TSGA10: variants seen among roughly 807,000 people sequenced by gnomAD.
TSGA10 encodes testis-specific gene 10 protein.
In TSGA10, 43 loss-of-function variants were observed where a neutral mutation model predicts 96.6. The observed-to-expected ratio is 0.44, with a 90% CI of 0.35 to 0.57. The LOEUF (loss-of-function observed/expected upper bound fraction) is 0.57. Ranked by LOEUF, TSGA10 falls within the 20% of genes least tolerant of loss-of-function variation. The probability of loss-of-function intolerance (pLI) is 0.01; values close to 1 mark genes in which losing one functional copy is unlikely to be tolerated. For synonymous variants in TSGA10, 229 were observed against 269.9 expected (o/e 0.85, Z 1.48); for missense variants, 703 against 834.4 (o/e 0.84, Z 1.94).
At position 99,136,215 on chromosome 2, in the gene TSGA10, T is replaced by A. The variant is rs544816825; in HGVS notation, c.-620-9039A>T. ...TCTTTTCACTAAAAATTATCTCAGT[T>A]ACATTTCTTCCATCCCTACTATCAC... On this transcript the variant is annotated intron_variant, in intron 1 of 20. Transcript: ENST00000393483. Among the ~76,000 whole-genome samples, 18 of 152,330 alleles carry A rather than the reference T, an allele frequency of 1.2e-4. 1 individual carries two copies. In the South Asian group the frequency reaches 3.7e-3, roughly 32 times the overall value.
At chr2:99,075,788 G>C (rs2086643408) in intron 12 of TSGA10, among the ~76,000 whole-genome samples, 1 of 152,142 alleles carries the variant, frequency 6.6e-6, no homozygotes, top group Non-Finnish European at 1.5e-5. Flanking sequence ...TCGCAGAATG[G>C]AAGAAATGTG....
intron 16 of TSGA10, among the ~76,000 whole-genome samples, chr2:99,041,627 A>G (rs936086130): frequency 1.3e-5 from 2 of 152,190 alleles, no homozygotes; most frequent in African/African-American, 4.8e-5. Context: ...TTGGCAAGCT[A>G]TATGTAGAAG....
intron 12 of TSGA10, among the ~76,000 whole-genome samples, chr2:99,073,995 C>CTTTTTTTT (rs2086298056): frequency 8.3e-5 from 3 of 36,126 alleles, no homozygotes; most frequent in African/African-American, 3.4e-4. Context: ...GTTCCTGTTT[C>CTTTTTTTT]TTTTCTTTTT....
chr2:99,109,003 T>A lies in TSGA10; in HGVS notation c.52-12A>T. The A allele has an allele frequency of 6.7e-7, 1 of 1,487,588 alleles. No individual in the cohort carries two copies. The highest frequency in any genetic ancestry group is 8.9e-7 in the Non-Finnish European group (1 of 1,123,218). The allele number at this position is 1,487,588 out of a possible 1,614,324, so 92.1% of individuals were successfully genotyped here. A position where few individuals can be genotyped will look rare whatever the true frequency, so the allele number is the denominator to read the frequency against. Reference sequence around the variant, plus strand: ...TCACAGTTTGCACCCTATAATTATATAAGGAATTTGAAATCTTCTTTGATA... The same window carrying A: ...TCACAGTTTGCACCCTATAATTATAAAAGGAATTTGAAATCTTCTTTGATA... On this transcript the variant is annotated splice_polypyrimidine_tract_variant and intron_variant, in intron 6 of 20. Coordinates refer to ENST00000393483, the MANE Select transcript of TSGA10 (RefSeq NM_025244.4).
In TSGA10 at chr2:98,998,149, G is replaced by GT; in HGVS notation, c.*47dup. 6.5e-7 allele frequency: 1 copy of GT among 1,539,988 alleles called. No homozygotes were observed. The highest frequency in any genetic ancestry group is 1.2e-5 in the South Asian group (1 of 81,250). On this transcript the variant is annotated 3_prime_UTR_variant, in exon 21 of 21. Transcript: ENST00000393483. ...TCATGTAGCAAAAAAAAAAAAATCAGTTTGTAACTTTGACCTTTCTCAGGG... is the reference window on the plus strand; with the variant it reads ...TCATGTAGCAAAAAAAAAAAAATCAGTTTTGTAACTTTGACCTTTCTCAGGG...
At chr2:98,999,451 G>A (rs2077706786) in intron 20 of TSGA10, among the ~76,000 whole-genome samples, 1 of 152,202 alleles carries the variant, frequency 6.6e-6, no homozygotes, top group Non-Finnish European at 1.5e-5. Context: ...TCAATGTGAT[G>A]TCTGTTGTCT....
In TSGA10 at chr2:99,071,754, G is replaced by A. The variant is rs200479782; in HGVS notation, c.1059C>T (p.Asp353=). Residue 353 remains aspartate, a synonymous_variant, in exon 14 of 21, where the codon GAC becomes GAT. Transcript: ENST00000393483. ...IARERDILAH[D]NDNLQEQFAK... ...CAAACTGTTCCTGGAGATTGTCATT[G>A]TCATGAGCCAAGATATCTCTTTCCC... The A allele has an allele frequency of 3.0e-4, 482 of 1,613,736 alleles. No individual in the cohort carries two copies. Among genetic ancestry groups the A allele is most frequent in the Non-Finnish European group, 3.8e-4 (450 of 1,179,832 alleles).
intron 20 of TSGA10, among the ~76,000 whole-genome samples, chr2:99,017,104 T>C (rs1459689079): frequency 6.6e-6 from 1 of 152,182 alleles, no homozygotes; most frequent in African/African-American, 2.4e-5. Context: ...AGAGATTCCA[T>C]TTAGAACTAA....
At chr2:99,013,730 T>C (rs1446811874) in intron 20 of TSGA10, among the ~76,000 whole-genome samples, 1 of 151,894 alleles carries the variant, frequency 6.6e-6, no homozygotes, top group East Asian at 1.9e-4. Context: ...TAATCTGCTC[T>C]TGAGGCTGGC....
intron 10 of TSGA10, among the ~76,000 whole-genome samples, chr2:99,093,662 A>G (rs944631087): frequency 6.7e-6 from 1 of 149,274 alleles, no homozygotes; most frequent in Non-Finnish European, 1.5e-5. Flanking sequence ...AGCTGCAAAG[A>G]AAAAAAAAAC....
intron 1 of TSGA10, among the ~76,000 whole-genome samples, chr2:99,139,183 A>C (rs778746349): frequency 6.6e-6 from 1 of 152,076 alleles, no homozygotes; most frequent in South Asian, 2.1e-4. Context: ...GAATCACTTG[A>C]GCCCGGGAGG....
At chr2:99,076,482 C>T (rs1035004345) in intron 12 of TSGA10, among the ~76,000 whole-genome samples, 2 of 152,068 alleles carry the variant, frequency 1.3e-5, no homozygotes, top group African/African-American at 4.8e-5. Flanking sequence ...CTCAACATCA[C>T]ATGTACTTTT....
chr2:99,149,506 G>C (rs1355239624), intron 1 of TSGA10, among the ~76,000 whole-genome samples: 1 of 143,454 alleles, frequency 7.0e-6, no homozygotes, highest in East Asian at 2.2e-4. Context: ...GCAGTGGCGC[G>C]ATCTCGGCTC....
At chr2:99,104,184 C>T in intron 9 of TSGA10, 66 bp from the exon 10 acceptor site, 1 of 1,562,750 alleles carries the variant, frequency 6.4e-7, no homozygotes, top group South Asian at 1.2e-5. Flanking sequence ...TCCTGAAGGG[C>T]ATACTCCCTC....
Position 99,078,736 on chromosome 2 carries a change from CT to C in TSGA10, c.804del (p.Glu269LysfsTer25), listed in dbSNP as rs748476555. On this transcript the variant is annotated frameshift_variant, in exon 12 of 21. Transcript: ENST00000393483. LOFTEE classifies it high-confidence loss of function. ...ILGGTLNDLA[K>X]EKECLQACLD... ...AAACATGCTTGCAGGCATTCCTTTT[CT>C]TTAGCCAGATCATTGAGGGTTCCAC... 1 of 1,613,694 alleles carries C rather than the reference CT, an allele frequency of 6.2e-7. No homozygotes were observed. Among genetic ancestry groups the C allele is most frequent in the South Asian group, 1.1e-5 (1 of 91,054 alleles).
chr2:99,013,913 G>A (rs1371626929), intron 20 of TSGA10, among the ~76,000 whole-genome samples: 2 of 152,030 alleles, frequency 1.3e-5, no homozygotes, highest in Admixed American at 1.3e-4. Context: ...AGCACTTTGG[G>A]AGACTGAGGC....
Position 99,072,846 on chromosome 2 carries a change from T to C in TSGA10, c.938+172A>G, listed in dbSNP as rs76782040. On this transcript the variant is annotated intron_variant, in intron 13 of 20. Transcript: ENST00000393483. The stretch of plus-strand genomic sequence containing the variant: ...GCCCTTCCCTTCCCCTTATTTTACT[T>C]GGCAAACACCATCCCCTCTTTTAGT... Among the ~76,000 whole-genome samples, 102 of 152,300 alleles carry C rather than the reference T, an allele frequency of 6.7e-4. 2 individuals are homozygous for C. The East Asian group carries it at 0.019, about 28-fold the overall frequency.
At chr2:99,129,681 A>C (rs2092986384) in intron 1 of TSGA10, among the ~76,000 whole-genome samples, 1 of 152,214 alleles carries the variant, frequency 6.6e-6, no homozygotes, top group African/African-American at 2.4e-5. Context: ...CAATCTCATC[A>C]TTAGAATGGA....
chr2:99,027,126 C>T (rs1363848537), intron 17 of TSGA10, among the ~76,000 whole-genome samples: 1 of 152,212 alleles, frequency 6.6e-6, no homozygotes. Flanking sequence ...TCACCTCCTG[C>T]TGTGCGGCTA....
Sources: allele counts gnomAD v4.1 joint callset (sites outside exome capture counted in the v4.1 genomes callset), GRCh38; gene constraint gnomAD v4.1.1; transcripts MANE v1.5; gene names NCBI Gene and HGNC (gene_info 2026-07-23, HGNC 2026-07-21).